Variants in VWA8 observed in about 807,000 individuals in gnomAD.
The protein encoded by VWA8 is von Willebrand factor A domain containing 8.
A neutral mutation model predicts 241.5 loss-of-function variants in VWA8; 221 were observed. The observed-to-expected ratio is 0.91, with a 90% confidence interval of 0.82 to 1.02. The LOEUF is 1.02. VWA8 is among the 50% of genes least tolerant of loss of function. The probability of loss-of-function intolerance (pLI) is 0.00; values close to 1 mark genes in which losing one functional copy is unlikely to be tolerated. For synonymous variants in VWA8, 852 were observed against 827.1 expected, an observed-to-expected ratio of 1.03 and a Z score of -0.52; for missense variants, 2,322 against 2,328.7, an observed-to-expected ratio of 1.00 and a Z score of 0.06.
At chr13:41,653,560 T>C (rs554661311) in intron 37 of VWA8, among the ~76,000 whole-genome samples, 1 of 152,188 alleles carries the variant, frequency 6.6e-6, no homozygotes, top group Non-Finnish European at 1.5e-5. Flanking sequence ...AAAAAACTAT[T>C]TTACAATTCA....
At chr13:41,619,771 T>C (rs1021963805) in intron 37 of VWA8, among the ~76,000 whole-genome samples, 5 of 152,206 alleles carry the variant, frequency 3.3e-5, no homozygotes, top group Non-Finnish European at 5.9e-5. Flanking sequence ...ATGGATTATG[T>C]TTATTGATTT....
intron 21 of VWA8, among the ~76,000 whole-genome samples, chr13:41,735,698 T>C (rs1291734293): frequency 6.6e-6 from 1 of 152,110 alleles, no homozygotes; most frequent in Non-Finnish European, 1.5e-5. Context: ...GTTACCCTCA[T>C]TATGTAAGTG....
In VWA8 at chr13:41,933,423, A is replaced by C. The variant is rs535280721; in HGVS notation, c.241+16513T>G. ...AGATTTAATGCAATCCCCATTAAAA[A>C]TCCCAGCAGGCTTTTTTGTTGTTTT... On this transcript the variant is annotated intron_variant, in intron 2 of 44. Coordinates refer to ENST00000379310, the MANE Select transcript of VWA8 (RefSeq NM_015058.2). 2.6e-5 allele frequency among the ~76,000 whole-genome samples: 4 copies of C among 152,202 alleles called. No individual in the cohort carries two copies. In the South Asian group the frequency reaches 8.3e-4, roughly 32 times the overall value.
rs192052557 is a variant in VWA8 at position 41,686,404 on chromosome 13, T to G, written c.4132-1162A>C. Among the ~76,000 whole-genome samples the G allele has an allele frequency of 9.0e-4, 137 of 152,272 alleles. 4 individuals carry two copies. The highest frequency in any genetic ancestry group is 3.2e-3 in the African/African-American group (131 of 41,586). On this transcript the variant is annotated intron_variant, in intron 34 of 44. Transcript: ENST00000379310. ...TACTAGTATCTCATCATGGTTTTAATTTGCATTTCTCTAATGACTAATGAT... is the reference window on the plus strand; with the variant it reads ...TACTAGTATCTCATCATGGTTTTAAGTTGCATTTCTCTAATGACTAATGAT...
At chr13:41,706,471 C>T (rs892736497) in intron 26 of VWA8, among the ~76,000 whole-genome samples, 14 of 152,112 alleles carry the variant, frequency 9.2e-5, no homozygotes, top group African/African-American at 2.4e-4. Flanking sequence ...TTATTGTTTC[C>T]GGACTTTTAC....
chr13:41,808,040 C>T (rs552249552), intron 17 of VWA8: 1 of 151,966 alleles, frequency 6.6e-6, no homozygotes, highest in Non-Finnish European at 1.5e-5. Flanking sequence ...ATGAAACAAA[C>T]CAACAAACAA....
At chr13:41,738,159 T>C (rs2045540026) in intron 21 of VWA8, among the ~76,000 whole-genome samples, 1 of 152,200 alleles carries the variant, frequency 6.6e-6, no homozygotes, top group Admixed American at 6.5e-5. Context: ...AAAGTCCTTT[T>C]AGTATGATAA....
chr13:41,866,201 T>C (rs1178262063), intron 10 of VWA8, among the ~76,000 whole-genome samples, 165 bp from the exon 11 acceptor site: 2 of 151,994 alleles, frequency 1.3e-5, no homozygotes, highest in East Asian at 1.9e-4. Flanking sequence ...ACAAAAAAAT[T>C]AGCTGGGCAT....
chr13:41,587,467 T>C, intron 42 of VWA8, 45 bp downstream of exon 42: 1 of 1,611,156 alleles, frequency 6.2e-7, no homozygotes, highest in Non-Finnish European at 8.5e-7. Flanking sequence ...CTATCCATCA[T>C]CATGGTCAAT....
chr13:41,815,606 C>A (rs890314117), intron 16 of VWA8, among the ~76,000 whole-genome samples: 1 of 152,212 alleles, frequency 6.6e-6, no homozygotes, highest in African/African-American at 2.4e-5. Flanking sequence ...GGAATAGATT[C>A]TCCCCTGGAG....
At chr13:41,902,967 T>C (rs2138100905) in intron 4 of VWA8, among the ~76,000 whole-genome samples, 1 of 152,314 alleles carries the variant, frequency 6.6e-6, no homozygotes, top group African/African-American at 2.4e-5. Context: ...TTCACCTATA[T>C]TGGGCCATCA....
At chr13:41,771,291 T>C (rs142551147) in intron 20 of VWA8, among the ~76,000 whole-genome samples, 2,116 of 152,176 alleles carry the variant, frequency 0.014, 48 homozygotes, top group African/African-American at 0.048. Flanking sequence ...TCCAGCTAAT[T>C]TTTGTATTTT....
At chr13:41,581,024 C>A (rs1361356097) in intron 42 of VWA8, among the ~76,000 whole-genome samples, 1 of 75,860 alleles carries the variant, frequency 1.3e-5, no homozygotes, top group Non-Finnish European at 2.2e-5. Flanking sequence ...TTTTTTGAGA[C>A]GGAGTCTCGC....
In VWA8 at chr13:41,893,023, C is replaced by T. The variant is rs2138087238; in HGVS notation, c.484-1436G>A. Among the ~76,000 whole-genome samples, 3 of 152,324 alleles carry T rather than the reference C, an allele frequency of 2.0e-5. No individual in the cohort carries two copies. The Middle Eastern group carries it at 0.01, about 518-fold the overall frequency. ...TTCTACACATGTACATACCATACTGCTTTACCAGAAAAATGTCTTTACTTA... is the reference window on the plus strand; with the variant it reads ...TTCTACACATGTACATACCATACTGTTTTACCAGAAAAATGTCTTTACTTA... On this transcript the variant is annotated intron_variant, in intron 4 of 44. Coordinates refer to ENST00000379310, the MANE Select transcript of VWA8 (RefSeq NM_015058.2).
At chr13:41,640,176 G>C (rs1234990364) in intron 37 of VWA8, among the ~76,000 whole-genome samples, 1 of 152,140 alleles carries the variant, frequency 6.6e-6, no homozygotes, top group Non-Finnish European at 1.5e-5. Flanking sequence ...GAACAAAATG[G>C]AAAAGTGACC....
chr13:41,926,912 T>C (rs1876873100), intron 2 of VWA8: 1 of 568,282 alleles, frequency 1.8e-6, no homozygotes, highest in South Asian at 1.4e-5. Flanking sequence ...CCAGGCTCCT[T>C]GACAAGCTTG....
intron 2 of VWA8, among the ~76,000 whole-genome samples, chr13:41,949,031 T>TAAAAAAAAAAAAAAAAAAAAAAAACAA (rs1877993595): frequency 1.6e-5 from 1 of 63,390 alleles, no homozygotes; most frequent in Non-Finnish European, 2.9e-5. Context: ...TCTACCATCA[T>TAAAAAAAAAAAAAAAAAAAAAAAACAA]AAAAAAAAAA....
At chr13:41,767,286 TA>T (rs938279455) in intron 20 of VWA8, among the ~76,000 whole-genome samples, 3 of 152,288 alleles carry the variant, frequency 2.0e-5, no homozygotes, top group African/African-American at 7.2e-5. Flanking sequence ...CCAATTGCTT[TA>T]AAAAAATCCC....
intron 5 of VWA8, among the ~76,000 whole-genome samples, chr13:41,890,608 T>C (rs867383864): frequency 6.6e-6 from 1 of 152,222 alleles, no homozygotes; most frequent in Non-Finnish European, 1.5e-5. Flanking sequence ...ATTCAACAAA[T>C]AGTTTTTAAG....
Sources: allele counts gnomAD v4.1 joint callset (sites outside exome capture counted in the v4.1 genomes callset), GRCh38; gene constraint gnomAD v4.1.1; transcripts MANE v1.5; gene names NCBI Gene and HGNC (gene_info 2026-07-23, HGNC 2026-07-21).